The following B4GALT5 variants were observed in gnomAD, a reference collection of about 807,000 sequenced individuals.
B4GALT5 encodes beta-1,4-galactosyltransferase 5, also known as UDP-Gal:beta-GlcNAc beta-1,4-galactosyltransferase 5.
A neutral mutation model predicts 45.0 loss-of-function variants in B4GALT5; 11 were observed. The observed-to-expected ratio is 0.24, with a 90% confidence interval of 0.15 to 0.40. B4GALT5 has a LOEUF of 0.40. Ranked by LOEUF, B4GALT5 falls within the 10% of genes least tolerant of loss-of-function variation. The pLI, the probability that B4GALT5 is intolerant of heterozygous loss-of-function variation, is 1.00. For synonymous variants in B4GALT5, 185 were observed against 182.9 expected (o/e 1.01, Z -0.09); for missense variants, 337 against 500.2 (o/e 0.67, Z 3.11).
rs1231129578 is a variant in B4GALT5, at chr20:49,699,322, A to C, written c.115+14254T>G. Reference sequence around the variant, plus strand: ...ACATACTGTACGACACAAAGTGCTTAATTGTAACTTAAAAGGTTAAAACCC... The same window carrying C: ...ACATACTGTACGACACAAAGTGCTTCATTGTAACTTAAAAGGTTAAAACCC... On this transcript the variant is annotated intron_variant, in intron 1 of 8. Coordinates refer to ENST00000371711, the MANE Select transcript of B4GALT5 (RefSeq NM_004776.4). Among the ~76,000 whole-genome samples, 17 of 148,170 alleles carry C rather than the reference A, an allele frequency of 1.1e-4. No individual in the cohort carries two copies. The Admixed American group carries it at 1.1e-3, about 10-fold the overall frequency.
intron 1 of B4GALT5, among the ~76,000 whole-genome samples, chr20:49,688,939 A>T (rs1163949787): frequency 9.2e-6 from 1 of 108,720 alleles, no homozygotes; most frequent in Non-Finnish European, 2.1e-5. Flanking sequence ...CTCCATCTCA[A>T]AAAAAAAAAA....
At chr20:49,656,082 C>A (rs978243650) in intron 2 of B4GALT5, among the ~76,000 whole-genome samples, 18 of 152,158 alleles carry the variant, frequency 1.2e-4, no homozygotes, top group African/African-American at 4.1e-4. Context: ...AGGGGCAGAT[C>A]CCTCACAAAT....
intron 2 of B4GALT5, among the ~76,000 whole-genome samples, chr20:49,649,537 A>T (rs1470232327): frequency 1.3e-5 from 2 of 152,092 alleles, no homozygotes; most frequent in Non-Finnish European, 2.9e-5. Context: ...CAATGATCAC[A>T]CCACTGTACT....
chr20:49,702,774 G>A (rs904843434), intron 1 of B4GALT5, among the ~76,000 whole-genome samples: 2 of 152,120 alleles, frequency 1.3e-5, no homozygotes, highest in East Asian at 3.9e-4. Flanking sequence ...AGAACTACTT[G>A]AGCCTGAGAG....
chr20:49,646,922 T>A, intron 3 of B4GALT5, 43 bp downstream of exon 3: 1 of 1,272,946 alleles, frequency 7.9e-7, no homozygotes, highest in Non-Finnish European at 1.1e-6. Flanking sequence ...CTCCCCTTTA[T>A]CCATTTTAAA....
At chr20:49,697,290 T>G (rs2085843198) in intron 1 of B4GALT5, among the ~76,000 whole-genome samples, 1 of 152,262 alleles carries the variant, frequency 6.6e-6, no homozygotes, top group Admixed American at 6.5e-5. Flanking sequence ...CACCTGCTCC[T>G]CAAGCGCAGC....
chr20:49,684,601 A>G (rs1359086358), intron 1 of B4GALT5: 5 of 517,730 alleles, frequency 9.7e-6, no homozygotes, highest in African/African-American at 1.9e-5. Flanking sequence ...AAGAGGCCAC[A>G]TATCAAGGAC....
At chr20:49,672,944 G>C (rs960235886) in intron 1 of B4GALT5, among the ~76,000 whole-genome samples, 1 of 152,194 alleles carries the variant, frequency 6.6e-6, no homozygotes, top group Non-Finnish European at 1.5e-5. Context: ...ACAATGGAGA[G>C]ATCAGATAGG....
At chr20:49,647,933 G>C (rs1482082806) in intron 2 of B4GALT5, among the ~76,000 whole-genome samples, 1 of 151,856 alleles carries the variant, frequency 6.6e-6, no homozygotes, top group Non-Finnish European at 1.5e-5. Context: ...AGACCTCCCA[G>C]TCCTCTGTCT....
intron 1 of B4GALT5, among the ~76,000 whole-genome samples, chr20:49,674,766 G>A (rs1486413378): frequency 6.6e-6 from 1 of 151,922 alleles, no homozygotes; most frequent in Non-Finnish European, 1.5e-5. Flanking sequence ...TGTCATAGGT[G>A]AACTAAAAGA....
intron 1 of B4GALT5, among the ~76,000 whole-genome samples, chr20:49,703,727 A>AAAAAAAAAAATAAT (rs1568735761): frequency 3.9e-4 from 8 of 20,516 alleles, no homozygotes; most frequent in Non-Finnish European, 5.4e-4. Context: ...CATTTCTACT[A>AAAAAAAAAAATAAT]AAAAAAAAAA....
chr20:49,693,469 A>G lies in B4GALT5; in HGVS notation c.115+20107T>C, dbSNP rs553261407. ...TAAGAATCATTAGGCTCCACAGCTC[A>G]TTGCAGTTTCTCTCTCCAAGGTGCA... On this transcript the variant is annotated intron_variant, in intron 1 of 8. Transcript: ENST00000371711. Among the ~76,000 whole-genome samples, 15 of 152,326 alleles carry G rather than the reference A, an allele frequency of 9.8e-5. No individual in the cohort carries two copies. In the South Asian group the frequency reaches 2.7e-3, roughly 27 times the overall value.
intron 1 of B4GALT5, among the ~76,000 whole-genome samples, chr20:49,670,163 G>A (rs1056912086): frequency 6.6e-5 from 10 of 152,058 alleles, no homozygotes; most frequent in African/African-American, 1.9e-4. Context: ...AAAACTTGAC[G>A]GAATCTTACA....
At chr20:49,709,184 CGGA>C (rs780049297) in intron 1 of B4GALT5, among the ~76,000 whole-genome samples, 7 of 151,950 alleles carry the variant, frequency 4.6e-5, no homozygotes, top group Admixed American at 6.6e-5. Context: ...TCTGAGCTCT[CGGA>C]TTTTTTTTTA....
At chr20:49,711,070 C>T (rs1388250896) in intron 1 of B4GALT5, among the ~76,000 whole-genome samples, 5 of 108,002 alleles carry the variant, frequency 4.6e-5, no homozygotes, top group Admixed American at 9.8e-5. Flanking sequence ...AACAGAGACT[C>T]TCTATCAAAA....
intron 1 of B4GALT5, among the ~76,000 whole-genome samples, chr20:49,679,148 A>C (rs902465481): frequency 3.9e-5 from 6 of 152,184 alleles, no homozygotes; most frequent in Non-Finnish European, 7.3e-5. Flanking sequence ...AGATTATGGG[A>C]AATGGCCTAA....
At chr20:49,687,742 A>G (rs1600550529) in intron 1 of B4GALT5, among the ~76,000 whole-genome samples, 3 of 152,296 alleles carry the variant, frequency 2.0e-5, no homozygotes, top group Admixed American at 2.0e-4. Context: ...ACAGACTAGC[A>G]TCACCTTTTC....
chr20:49,692,421 C>T (rs1020383013), intron 1 of B4GALT5, among the ~76,000 whole-genome samples: 46 of 152,156 alleles, frequency 3.0e-4, no homozygotes, highest in South Asian at 6.2e-4. Flanking sequence ...GAGCTATGAT[C>T]GCATCACTGC....
chr20:49,689,182 T>C (rs2085799584), intron 1 of B4GALT5, among the ~76,000 whole-genome samples: 1 of 152,188 alleles, frequency 6.6e-6, no homozygotes. Flanking sequence ...TGTCACCTCT[T>C]TGACAATTAT....
Sources: allele counts gnomAD v4.1 joint callset (sites outside exome capture counted in the v4.1 genomes callset), GRCh38; gene constraint gnomAD v4.1.1; transcripts MANE v1.5; gene names NCBI Gene and HGNC (gene_info 2026-07-23, HGNC 2026-07-21).